ZNF37A: variants seen among roughly 807,000 people sequenced by gnomAD.
ZNF37A encodes zinc finger protein 37A.
A neutral mutation model predicts 12.3 loss-of-function variants in ZNF37A; 10 were observed. The ratio of observed to expected loss-of-function variants is 0.82; its 90% CI spans 0.50 to 1.38. The LOEUF (loss-of-function observed/expected upper bound fraction) is 1.38. Ranked by LOEUF, ZNF37A falls within the 40% of genes most tolerant of loss-of-function variation. The pLI, the probability that ZNF37A is intolerant of heterozygous loss-of-function variation, is 0.00. For synonymous variants in ZNF37A, 207 were observed against 223.0 expected (o/e 0.93, Z 0.64); for missense variants, 580 against 651.2 (o/e 0.89, Z 1.19).
At chr10:38,126,230 C>T (rs2069924160), downstream of ZNF37A, among the ~76,000 whole-genome samples, 1 of 152,190 alleles carries the variant, frequency 6.6e-6, no homozygotes, top group Non-Finnish European at 1.5e-5. Flanking sequence ...GTTTTACGGA[C>T]CTGAAACTTT....
downstream of ZNF37A, chr10:38,125,180 T>C (rs1188087794): frequency 6.6e-6 from 1 of 152,170 alleles, no homozygotes; most frequent in African/African-American, 2.4e-5. Flanking sequence ...ATAATACAAA[T>C]GATTTACTCA....
intron 5 of ZNF37A, among the ~76,000 whole-genome samples, chr10:38,104,331 T>C (rs1169774484): frequency 1.3e-5 from 2 of 152,104 alleles, no homozygotes; most frequent in Non-Finnish European, 2.9e-5. Flanking sequence ...ACAACTACAG[T>C]TCTCTGAAAA....
chr10:38,144,026 G>A (rs187653214), intron 7 of ZNF37A: 1 of 152,390 alleles, frequency 6.6e-6, no homozygotes, highest in Admixed American at 6.5e-5. Flanking sequence ...AGAGATGGGG[G>A]AAAGAGGAGA....
At chr10:38,108,028 C>T (rs117876301) in intron 5 of ZNF37A, among the ~76,000 whole-genome samples, 2 of 152,052 alleles carry the variant, frequency 1.3e-5, no homozygotes, top group South Asian at 4.1e-4. Context: ...AGAACTCTCC[C>T]CACCCAAATT....
chr10:38,094,719 T>C (rs1258019254), intron 1 of ZNF37A, among the ~76,000 whole-genome samples: 2 of 152,254 alleles, frequency 1.3e-5, no homozygotes, highest in Admixed American at 1.3e-4. Context: ...GAAACGGGCC[T>C]TCTGCCCAAT....
intron 4 of ZNF37A, 36 bp from the exon 5 acceptor site, chr10:38,096,537 CA>C: frequency 6.7e-7 from 1 of 1,486,900 alleles, no homozygotes. Context: ...CCTTTTAAGG[CA>C]AGTGACATCA....
intron 7 of ZNF37A, chr10:38,139,129 T>C (rs554264133): frequency 6.6e-6 from 1 of 152,336 alleles, no homozygotes; most frequent in East Asian, 1.9e-4. Flanking sequence ...TGGGACCTTA[T>C]TTCCTGTGTC....
chr10:38,112,765 CTTTTCTTTTCTTTTCTTTTCTTTTCT>C (rs2068869519), intron 5 of ZNF37A, among the ~76,000 whole-genome samples: 1 of 71,504 alleles, frequency 1.4e-5, no homozygotes, highest in Non-Finnish European at 2.8e-5. Flanking sequence ...CTTTTCTTTT[CTTTTCTTTTCTTTTCTTTTCTTTTCT>C]TTTCTTGTCT....
intron 7 of ZNF37A, chr10:38,137,989 C>G (rs2136081382): frequency 6.6e-6 from 1 of 152,270 alleles, no homozygotes. Context: ...ATTTGTTCCT[C>G]TTTTGTTAAA....
rs532942524 is a variant in ZNF37A, at chr10:38,119,312, G to A, written c.*475G>A. ...CATATAAGACAGAAACCCTATGGGT[G>A]TAATGAATGTGGAAAATCATTCTGT... is the stretch of plus-strand genomic sequence containing the variant. On this transcript the variant is annotated 3_prime_UTR_variant, in exon 8 of 8. Transcript: ENST00000685332. 3.1e-5 allele frequency: 32 copies of A among 1,030,004 alleles called. No individual in the cohort carries two copies. In the South Asian group the frequency reaches 5.4e-4, roughly 17 times the overall value. The allele number at this position is 1,030,004 out of a possible 1,614,324, so 63.8% of individuals were successfully genotyped here. A position where few individuals can be genotyped will look rare whatever the true frequency, so the allele number is the denominator to read the frequency against.
At chr10:38,129,304 T>TAAAAAA (rs775705417), downstream of ZNF37A, among the ~76,000 whole-genome samples, 61 of 56,888 alleles carry the variant, frequency 1.1e-3, 3 homozygotes, top group African/African-American at 3.8e-4. Flanking sequence ...AGACTCTGTC[T>TAAAAAA]AAAAAAAAAA....
At chr10:38,114,457 CT>C (rs2069076211) in intron 5 of ZNF37A, among the ~76,000 whole-genome samples, 1 of 152,128 alleles carries the variant, frequency 6.6e-6, no homozygotes, top group South Asian at 2.1e-4. Flanking sequence ...ATGTTCCTCT[CT>C]TGTAAGGAAG....
chr10:38,128,095 G>T (rs577713472), downstream of ZNF37A, among the ~76,000 whole-genome samples: 1 of 152,242 alleles, frequency 6.6e-6, no homozygotes, highest in South Asian at 2.1e-4. Flanking sequence ...GGAGAATCTA[G>T]AAATTTGCTG....
At position 38,118,346 on chromosome 10, in the gene ZNF37A, A is replaced by G. The variant is rs777170987; in HGVS notation, c.1195A>G (p.Ile399Val). The G allele has an allele frequency of 6.2e-7, 1 of 1,613,950 alleles. No individual in the cohort carries two copies. The highest frequency in any genetic ancestry group is 1.7e-5 in the Admixed American group (1 of 59,944). Reference sequence around the variant, plus strand: ...AGCCTTTCTCAGAAAATCAGACCTCATTAAACATCAAAGAATACACACAGG... The same window carrying G: ...AGCCTTTCTCAGAAAATCAGACCTCGTTAAACATCAAAGAATACACACAGG... Reference protein sequence around the residue: ...GKAFLRKSDLIKHQRIHTGEK... With the variant: ...GKAFLRKSDLVKHQRIHTGEK... Residue 399 changes from isoleucine (I) to valine (V), a missense_variant, in exon 8 of 8, where the codon ATT becomes GTT. Coordinates refer to ENST00000685332, the MANE Select transcript of ZNF37A (RefSeq NM_001324250.3).
chr10:38,098,169 C>T (rs2067296794), intron 5 of ZNF37A, among the ~76,000 whole-genome samples: 1 of 152,150 alleles, frequency 6.6e-6, no homozygotes, highest in Non-Finnish European at 1.5e-5. Context: ...TATGACTGAA[C>T]AATATTCTAT....
At chr10:38,131,564 T>C (rs1000700410) in intron 7 of ZNF37A, among the ~76,000 whole-genome samples, 6 of 152,206 alleles carry the variant, frequency 3.9e-5, no homozygotes, top group Admixed American at 1.3e-4. Context: ...GTTTTAATTA[T>C]TGTAGCTTTG....
rs1276079336 is a variant in ZNF37A at position 38,114,865 on chromosome 10, C to T, written c.126C>T (p.Ser42=). 6.2e-7 allele frequency: 1 copy of T among 1,612,580 alleles called. No individual in the cohort carries two copies. The highest frequency in any genetic ancestry group is 8.5e-7 in the Non-Finnish European group (1 of 1,179,428). The change falls in exon 6 of 8, where the codon AGC becomes AGT. Residue 42 remains serine, a synonymous_variant. Coordinates refer to ENST00000685332, the MANE Select transcript of ZNF37A (RefSeq NM_001324250.3). ...LYRDVMLENY[S]HLVSVGYCIP... ...GGGATGTGATGCTGGAGAACTACAG[C>T]CACCTTGTCTCAGTAGGTAGGTAGG...
At chr10:38,129,750 A>C (rs910798764), downstream of ZNF37A, among the ~76,000 whole-genome samples, 3 of 152,148 alleles carry the variant, frequency 2.0e-5, no homozygotes, top group East Asian at 1.9e-4. Context: ...CTTGCCTTCA[A>C]ATTTATTGCC....
chr10:38,146,928 T>C (rs1178949537), exon 8 of ZNF37A: 4 of 393,264 alleles, frequency 1.0e-5, no homozygotes, highest in African/African-American at 6.2e-5. Flanking sequence ...CACATGTTTA[T>C]TGACAGCAAG....
Sources: allele counts gnomAD v4.1 joint callset (sites outside exome capture counted in the v4.1 genomes callset), GRCh38; gene constraint gnomAD v4.1.1; transcripts MANE v1.5; gene names NCBI Gene and HGNC (gene_info 2026-07-23, HGNC 2026-07-21).